KIAA1217: variants seen among roughly 807,000 people sequenced by gnomAD.
KIAA1217 encodes KIAA1217, also known as sickle tail protein homolog.
Under a neutral mutation model 163.9 loss-of-function variants are expected in KIAA1217, and 88 were observed. The ratio of observed to expected loss-of-function variants is 0.54; its 90% confidence interval spans 0.45 to 0.64. The LOEUF is 0.64. Among genes scored for constraint, KIAA1217 ranks in the 30% least tolerant of loss-of-function variants. The pLI is 0.00. For missense variants in KIAA1217, 2,372 were observed against 2,475.0 expected, an observed-to-expected ratio of 0.96 and a Z score of 0.88; for synonymous variants, 903 against 923.1, an observed-to-expected ratio of 0.98 and a Z score of 0.39.
intron 3 of KIAA1217, among the ~76,000 whole-genome samples, chr10:24,430,254 G>A (rs1181565661): frequency 1.3e-5 from 2 of 150,992 alleles, no homozygotes; most frequent in African/African-American, 4.9e-5. Flanking sequence ...GCCAGCATTC[G>A]GTCGAGGGCA....
At chr10:24,255,491 G>C (rs1355389524) in intron 2 of KIAA1217, 1 of 455,376 alleles carries the variant, frequency 2.2e-6, no homozygotes, top group African/African-American at 2.0e-5. Context: ...TGCCACATCT[G>C]GACATGAAGA....
At chr10:24,285,463 CAGGG>C (rs1781044001) in intron 2 of KIAA1217, among the ~76,000 whole-genome samples, 1 of 152,062 alleles carries the variant, frequency 6.6e-6, no homozygotes, top group Non-Finnish European at 1.5e-5. Flanking sequence ...GTTTCCCCAG[CAGGG>C]AGTCCTTTCC....
chr10:24,258,183 C>CAAAA (rs10648698), intron 2 of KIAA1217, among the ~76,000 whole-genome samples: 115,074 of 151,438 alleles, frequency 0.76, 43,823 homozygotes, highest in Admixed American at 0.81. Flanking sequence ...CCTGTCCCCT[C>CAAAA]AACCTAACTC....
At chr10:24,322,103 C>A (rs756752376) in intron 2 of KIAA1217, among the ~76,000 whole-genome samples, 122 of 152,120 alleles carry the variant, frequency 8.0e-4, no homozygotes, top group Non-Finnish European at 1.4e-3. Flanking sequence ...TGCATGCTAT[C>A]ACACCTGACT....
chr10:24,399,456 T>C (rs947853176), intron 3 of KIAA1217, among the ~76,000 whole-genome samples: 1 of 152,244 alleles, frequency 6.6e-6, no homozygotes, highest in Non-Finnish European at 1.5e-5. Flanking sequence ...GTTCATGAGT[T>C]ATTTTATAAT....
chr10:24,533,166 G>C lies in KIAA1217; in HGVS notation c.3343G>C (p.Val1115Leu). 3 of 1,613,768 alleles carry C rather than the reference G, an allele frequency of 1.9e-6. No individual in the cohort carries two copies. The highest frequency in any genetic ancestry group is 2.5e-6 in the Non-Finnish European group (3 of 1,179,918). ...ASAWTPSPPP[V>L]TTSSSKDEEE... ...AGCCTGGACCCCATCCCCACCGCCT[G>C]TCACCACCTCCTCCTCAAAGGATGA... The change falls in exon 16 of 21, where the codon GTC (valine) becomes CTC (leucine). Residue 1115 changes from valine to leucine, a missense_variant. By Grantham distance (32) the Val-to-Leu change is conservative. This residue lies in a region of KIAA1217 where 1,431 missense variants were observed against 1,470.3 expected (regional missense o/e 0.97). Transcript: ENST00000376454.
At chr10:23,833,701 G>A (rs1046397234) in intron 1 of KIAA1217, among the ~76,000 whole-genome samples, 6 of 151,432 alleles carry the variant, frequency 4.0e-5, no homozygotes, top group African/African-American at 1.5e-4. Context: ...GGTACTTAGG[G>A]CCTATTTCCA....
chr10:23,817,141 A>G (rs1361722585), intron 1 of KIAA1217, among the ~76,000 whole-genome samples: 1 of 152,204 alleles, frequency 6.6e-6, no homozygotes, highest in African/African-American at 2.4e-5. Flanking sequence ...TATAATATTC[A>G]TTTTAAATGA....
rs548673105 is a variant in KIAA1217 at position 24,388,193 on chromosome 10, G to A, written c.553+7126G>A. On this transcript the variant is annotated intron_variant, in intron 3 of 20. Coordinates refer to ENST00000376454, the MANE Select transcript of KIAA1217 (RefSeq NM_019590.5). Reference sequence around the variant, plus strand: ...CAGTAACCAAAACAGCATGGTACTGGTACCAAAACAGAGATACAGACCAAT... The same window carrying A: ...CAGTAACCAAAACAGCATGGTACTGATACCAAAACAGAGATACAGACCAAT... 7.9e-5 allele frequency among the ~76,000 whole-genome samples: 12 copies of A among 152,292 alleles called. No individual in the cohort carries two copies. The South Asian group carries it at 2.5e-3, about 32-fold the overall frequency.
chr10:24,355,052 G>A (rs1453828609), intron 2 of KIAA1217, among the ~76,000 whole-genome samples: 3 of 152,322 alleles, frequency 2.0e-5, no homozygotes, highest in Admixed American at 2.0e-4. Flanking sequence ...ATTTTTGGCT[G>A]TCTCCAGAGG....
intron 2 of KIAA1217, among the ~76,000 whole-genome samples, chr10:24,182,728 C>T (rs1165581871): frequency 1.3e-5 from 2 of 151,976 alleles, no homozygotes; most frequent in Non-Finnish European, 2.9e-5. Flanking sequence ...TGAGAGAACT[C>T]CCATGAAGAG....
At chr10:24,432,894 C>T (rs762748191) in intron 3 of KIAA1217, 101 bp from the exon 4 acceptor site, 11 of 853,248 alleles carry the variant, frequency 1.3e-5, no homozygotes, top group African/African-American at 5.0e-5. Context: ...CCAAGCTTGT[C>T]CTGAACGTTC....
chr10:23,868,788 G>A (rs1001362771), intron 1 of KIAA1217, among the ~76,000 whole-genome samples: 1 of 152,116 alleles, frequency 6.6e-6, no homozygotes, highest in Non-Finnish European at 1.5e-5. Flanking sequence ...ATTGGATATA[G>A]TAGCTAATAC....
intron 3 of KIAA1217, among the ~76,000 whole-genome samples, chr10:24,400,224 C>T (rs893774024): frequency 1.3e-4 from 20 of 152,316 alleles, no homozygotes; most frequent in African/African-American, 4.6e-4. Flanking sequence ...AGACAGGAAC[C>T]GTGCACAGGG....
chr10:24,073,403 C>T (rs1358442184), intron 2 of KIAA1217, among the ~76,000 whole-genome samples: 1 of 152,132 alleles, frequency 6.6e-6, no homozygotes, highest in Non-Finnish European at 1.5e-5. Flanking sequence ...CTTGAGGAAT[C>T]TGAAGAACAC....
intron 1 of KIAA1217, among the ~76,000 whole-genome samples, chr10:23,892,535 C>G (rs549671356): frequency 6.6e-6 from 1 of 151,974 alleles, no homozygotes; most frequent in South Asian, 2.1e-4. Flanking sequence ...TGCTGGCAAA[C>G]TCTGGCCTCT....
At chr10:23,839,808 C>T (rs1838682206) in intron 1 of KIAA1217, among the ~76,000 whole-genome samples, 1 of 151,284 alleles carries the variant, frequency 6.6e-6, no homozygotes, top group South Asian at 2.1e-4. Context: ...TGTCCCACCA[C>T]AAATCTGTCT....
chr10:24,296,294 G>A (rs1456806339), intron 2 of KIAA1217, among the ~76,000 whole-genome samples: 2 of 152,044 alleles, frequency 1.3e-5, no homozygotes, highest in Non-Finnish European at 2.9e-5. Context: ...TTGTAGAGAG[G>A]TGTCTCCATG....
At chr10:23,764,933 ATTAGTCTGTT>A (rs1834436525) in intron 1 of KIAA1217, among the ~76,000 whole-genome samples, 1 of 152,190 alleles carries the variant, frequency 6.6e-6, no homozygotes, top group Admixed American at 6.5e-5. Flanking sequence ...TCTCGTCTGT[ATTAGTCTGTT>A]GTTTCATGTT....
Sources: gnomAD v4.1 joint callset for allele counts (sites outside exome capture counted in the v4.1 genomes callset) on GRCh38, gnomAD v4.1.1 for gene constraint, gnomAD v4.1.1 regional missense constraint, MANE v1.5 for transcripts, NCBI Gene and HGNC (gene_info 2026-07-23, HGNC 2026-07-21) for gene names.